The following MDN1 variants were observed in gnomAD, a reference collection of about 807,000 sequenced individuals.
MDN1 encodes the protein midasin.
A neutral mutation model predicts 669.2 loss-of-function variants in MDN1; 266 were observed. The observed-to-expected ratio is 0.40, with a 90% CI of 0.36 to 0.44. The LOEUF (loss-of-function observed/expected upper bound fraction) is 0.44, where lower values mean the gene tolerates loss of function less well. Ranked by LOEUF, MDN1 falls within the 20% of genes least tolerant of loss-of-function variation. The probability of loss-of-function intolerance (pLI) is 1.00; values close to 1 mark genes in which losing one functional copy is unlikely to be tolerated. For missense variants in MDN1, 5,940 were observed against 6,754.0 expected (o/e 0.88, Z 4.22); for synonymous variants, 2,385 against 2,457.1 (o/e 0.97, Z 0.87).
chr6:89,716,145 G>C (rs566091078), intron 44 of MDN1, among the ~76,000 whole-genome samples: 1 of 152,280 alleles, frequency 6.6e-6, no homozygotes, highest in Non-Finnish European at 1.5e-5. Context: ...AATGCTCCGT[G>C]AAGAAATAGT....
At position 89,712,177 on chromosome 6, in the gene MDN1, C is replaced by T. The variant is rs200448957; in HGVS notation, c.7510G>A (p.Glu2504Lys). 99 of 1,613,982 alleles carry T rather than the reference C, an allele frequency of 6.1e-5. No homozygotes were observed. Among genetic ancestry groups the T allele is most frequent in the Middle Eastern group, 1.6e-4 (1 of 6,084 alleles). ...SPENLKFNAV[E>K]VNTYWIDEPD... is the part of the protein sequence containing the mutation. ...TCATCGATCCAGTAAGTATTCACTT[C>T]GACTGCATTGAATTTCAGGTTCTCA... The change falls in exon 49 of 102, where the codon GAA becomes AAA. Residue 2504 changes from glutamate (E) to lysine (K), a missense_variant. Physicochemically the swap from Glu to Lys is moderately conservative, Grantham distance 56 (BLOSUM62 1). Transcript: ENST00000369393.
At chr6:89,715,528 A>C in intron 45 of MDN1, 125 bp downstream of exon 45, 1 of 692,752 alleles carries the variant, frequency 1.4e-6, no homozygotes, top group Non-Finnish European at 2.6e-6. Context: ...AAGTGAATTA[A>C]TAAATGGGTG....
intron 73 of MDN1, among the ~76,000 whole-genome samples, chr6:89,682,210 C>G (rs1811658088): frequency 6.6e-6 from 1 of 152,244 alleles, no homozygotes; most frequent in African/African-American, 2.4e-5. Flanking sequence ...GTAGCTTCCT[C>G]ATGTGGTAGC....
At position 89,676,067 on chromosome 6, in the gene MDN1, T is replaced by C. The variant is rs1174890524; in HGVS notation, c.12645+35A>G. 1.9e-6 allele frequency: 3 copies of C among 1,583,704 alleles called. No individual in the cohort carries two copies. The South Asian group carries it at 3.3e-5, about 18-fold the overall frequency. On this transcript the variant is annotated intron_variant, in intron 77 of 101. Transcript: ENST00000369393. ...GGATGAACAGAACAAGGGCTTTCCC[T>C]GAGCCCCTGCAAGACTCATGTTCTA...
chr6:89,802,452 A>G (rs1213051225), intron 2 of MDN1, among the ~76,000 whole-genome samples: 1 of 152,270 alleles, frequency 6.6e-6, no homozygotes, highest in Non-Finnish European at 1.5e-5. Flanking sequence ...TGGGAGGTCG[A>G]GGCGGGCAGA....
intron 93 of MDN1, among the ~76,000 whole-genome samples, chr6:89,653,655 T>C (rs1809042749): frequency 6.6e-6 from 1 of 152,226 alleles, no homozygotes; most frequent in Admixed American, 6.5e-5. Flanking sequence ...AGAAAAAGCC[T>C]CTGAATTTGG....
intron 83 of MDN1, among the ~76,000 whole-genome samples, chr6:89,670,587 G>C (rs1810682056): frequency 6.6e-6 from 1 of 152,108 alleles, no homozygotes; most frequent in Admixed American, 6.5e-5. Flanking sequence ...TCTAGTTCAA[G>C]AGTTATCTGA....
intron 11 of MDN1, 89 bp from the exon 12 acceptor site, chr6:89,776,784 AAC>A (rs1475247891): frequency 1.1e-6 from 1 of 918,718 alleles, no homozygotes; most frequent in Non-Finnish European, 1.6e-6. Context: ...AAGAGGGAGA[AAC>A]ACAAAATCCA....
chr6:89,747,478 A>T lies in MDN1; in HGVS notation c.3763-8T>A, dbSNP rs570664961. 2.5e-6 allele frequency: 4 copies of T among 1,610,784 alleles called. No individual in the cohort carries two copies. In the East Asian group the frequency reaches 6.7e-5, roughly 27 times the overall value. ...AGAACTTCTGCGATAGGACTGTTGA[A>T]GTATCAAAACAAATGAAAAGGGGCA... On this transcript the variant is annotated splice_region_variant and splice_polypyrimidine_tract_variant and intron_variant, in intron 26 of 101. Coordinates refer to ENST00000369393, the MANE Select transcript of MDN1 (RefSeq NM_014611.3).
intron 17 of MDN1, 62 bp downstream of exon 17, chr6:89,761,583 C>T: frequency 8.0e-7 from 1 of 1,252,800 alleles, no homozygotes; most frequent in East Asian, 2.4e-5. Context: ...AGTAACCTGC[C>T]TGAAACATTG....
At chr6:89,680,774 G>C in intron 73 of MDN1, 23 bp from the exon 74 acceptor site, 1 of 1,607,338 alleles carries the variant, frequency 6.2e-7, no homozygotes, top group Non-Finnish European at 8.5e-7. Flanking sequence ...AGACAGGTTA[G>C]CCTCACTGCC....
At chr6:89,659,291 T>C (rs1400082065) in intron 88 of MDN1, among the ~76,000 whole-genome samples, 1 of 152,214 alleles carries the variant, frequency 6.6e-6, no homozygotes, top group Non-Finnish European at 1.5e-5. Flanking sequence ...GAGGATCACT[T>C]GAGCCCAGGA....
Position 89,650,772 on chromosome 6 carries a change from G to A in MDN1, c.15991C>T (p.Leu5331Phe), listed in dbSNP as rs1808795319. 6.2e-7 allele frequency: 1 copy of A among 1,614,122 alleles called. No homozygotes were observed. ...TGGGTAGGCTCTAATATGAGACGAA[G>A]CTCTTCACATAACCGTTGTGAAAGA... ...APLSQRLCEELRLILEPTQAA... is the reference protein window; with the variant it reads ...APLSQRLCEEFRLILEPTQAA... The change falls in exon 96 of 102, where the codon CTT becomes TTT. Residue 5331 changes from leucine (L) to phenylalanine (F), a missense_variant. Physicochemically the swap from Leu to Phe is conservative, Grantham distance 22 (BLOSUM62 0). Transcript: ENST00000369393.
At chr6:89,804,675 T>C (rs780976631) in intron 1 of MDN1, among the ~76,000 whole-genome samples, 12 of 151,976 alleles carry the variant, frequency 7.9e-5, no homozygotes, top group East Asian at 1.9e-4. Flanking sequence ...CAGCCTCTAA[T>C]AAATAAACAA....
intron 76 of MDN1, among the ~76,000 whole-genome samples, chr6:89,677,340 C>T (rs890770915): frequency 6.6e-6 from 1 of 152,116 alleles, no homozygotes; most frequent in African/African-American, 2.4e-5. Flanking sequence ...GTGATCTGCC[C>T]ACCTGAGACT....
intron 64 of MDN1, 33 bp from the exon 65 acceptor site, chr6:89,690,176 A>G: frequency 6.2e-7 from 1 of 1,600,652 alleles, no homozygotes; most frequent in Non-Finnish European, 8.5e-7. Flanking sequence ...TGAACTTTTA[A>G]AAATCAGAAT....
chr6:89,652,604 G>C (rs1371127542), intron 94 of MDN1, among the ~76,000 whole-genome samples: 1 of 152,134 alleles, frequency 6.6e-6, no homozygotes, highest in Non-Finnish European at 1.5e-5. Flanking sequence ...CTTAGCTCAA[G>C]AACTTAATTA....
intron 65 of MDN1, 54 bp from the exon 66 acceptor site, chr6:89,688,862 A>C: frequency 6.9e-7 from 1 of 1,453,566 alleles, no homozygotes; most frequent in Admixed American, 1.8e-5. Flanking sequence ...TGATCTATCA[A>C]CATGTCAAAA....
At position 89,745,598 on chromosome 6, in the gene MDN1, C is replaced by T. The variant is rs1298251024; in HGVS notation, c.3933G>A (p.Arg1311=). 6.2e-7 allele frequency: 1 copy of T among 1,614,108 alleles called. No homozygotes were observed. Among genetic ancestry groups the T allele is most frequent in the South Asian group, 1.1e-5 (1 of 91,062 alleles). The change falls in exon 28 of 102, where the codon AGG becomes AGA. Residue 1311 remains arginine, a synonymous_variant. Transcript: ENST00000369393. ...GAATCACATCAATTTCCTCCTGCTT[C>T]CTGACTCGACCTGCCAGAAGCATAT... ...DGYMLLAGRV[R]KQEEIDVIQE...
Sources: gnomAD v4.1 joint callset for allele counts (sites outside exome capture counted in the v4.1 genomes callset) on GRCh38, gnomAD v4.1.1 for gene constraint, MANE v1.5 for transcripts, NCBI Gene and HGNC (gene_info 2026-07-23, HGNC 2026-07-21) for gene names.